The following KCNT2 variants were observed in gnomAD, a reference collection of about 807,000 sequenced individuals.
KCNT2 encodes the protein potassium channel subfamily T member 2.
KCNT2 carries 67 observed loss-of-function variants against 153.8 expected under a neutral mutation model. The observed-to-expected ratio is 0.44, with a 90% CI of 0.36 to 0.53. The LOEUF is 0.53. Ranked by LOEUF, KCNT2 falls within the 20% of genes least tolerant of loss-of-function variation. The pLI, the probability that KCNT2 is intolerant of heterozygous loss-of-function variation, is 0.00. For synonymous variants in KCNT2, 500 were observed against 458.8 expected (o/e 1.09, Z -1.15); for missense variants, 975 against 1,354.8 (o/e 0.72, Z 4.40).
chr1:196,442,956 T>C (rs931271373), intron 8 of KCNT2, among the ~76,000 whole-genome samples: 2 of 151,534 alleles, frequency 1.3e-5, no homozygotes, highest in South Asian at 2.1e-4. Flanking sequence ...AAGCCACACA[T>C]ACATATATAG....
intron 13 of KCNT2, among the ~76,000 whole-genome samples, chr1:196,392,556 A>G (rs866522210): frequency 1.3e-5 from 2 of 151,462 alleles, no homozygotes; most frequent in Middle Eastern, 3.2e-3. Flanking sequence ...ATTTGGTGAA[A>G]GTCAAGCCTG....
intron 5 of KCNT2, among the ~76,000 whole-genome samples, chr1:196,470,189 C>CCG (rs1677967020): frequency 6.6e-6 from 1 of 152,162 alleles, no homozygotes; most frequent in South Asian, 2.1e-4. Flanking sequence ...GTTACAGGTG[C>CCG]TGTGGTGCAT....
chr1:196,494,558 C>T (rs7512135), intron 1 of KCNT2, among the ~76,000 whole-genome samples: 2 of 151,978 alleles, frequency 1.3e-5, no homozygotes, highest in Non-Finnish European at 2.9e-5. Flanking sequence ...GCCACCATGC[C>T]GTGTTAGTCA....
intron 1 of KCNT2, among the ~76,000 whole-genome samples, chr1:196,513,096 C>T (rs1681767225): frequency 1.3e-5 from 2 of 152,124 alleles, no homozygotes; most frequent in Non-Finnish European, 1.5e-5. Context: ...TTATGGCATT[C>T]AGGATTCCAT....
In KCNT2 at chr1:196,319,076, C is replaced by A. The variant is rs573727163; in HGVS notation, c.2348+408G>T. ...AAAGTAAACTCTAAAGGAATTGCTC[C>A]AATTTATAAATCTAAGTTAAAATGA... On this transcript the variant is annotated intron_variant, in intron 20 of 27. Coordinates refer to ENST00000294725, the MANE Select transcript of KCNT2 (RefSeq NM_198503.5). Among the ~76,000 whole-genome samples, 100 of 151,840 alleles carry A rather than the reference C, an allele frequency of 6.6e-4. 1 individual carries two copies. The highest frequency in any genetic ancestry group is 2.0e-3 in the African/African-American group (85 of 41,498).
At chr1:196,532,605 A>G (rs1655091282) in intron 1 of KCNT2, among the ~76,000 whole-genome samples, 1 of 151,888 alleles carries the variant, frequency 6.6e-6, no homozygotes, top group African/African-American at 2.4e-5. Flanking sequence ...AAATGAAAAT[A>G]AAAGAGAATA....
chr1:196,411,081 CCTTCCTTCCTTCCT>C (rs1672273764), intron 12 of KCNT2, among the ~76,000 whole-genome samples: 1 of 51,378 alleles, frequency 1.9e-5, no homozygotes, highest in African/African-American at 5.3e-5. Flanking sequence ...TTCCTTCCTT[CCTTCCTTCCTTCCT>C]TCCTTCCTTC....
intron 5 of KCNT2, among the ~76,000 whole-genome samples, chr1:196,476,545 G>A (rs988781285): frequency 4.0e-5 from 6 of 151,836 alleles, no homozygotes; most frequent in African/African-American, 9.7e-5. Context: ...TACTTTCTAG[G>A]TAATTTAGGG....
chr1:196,426,018 G>A, intron 10 of KCNT2, 30 bp from the exon 11 acceptor site: 2 of 1,586,086 alleles, frequency 1.3e-6, no homozygotes, highest in Non-Finnish European at 1.7e-6. Flanking sequence ...CAATGGAATA[G>A]AAACAAAAAT....
chr1:196,518,386 G>T (rs1337779197), intron 1 of KCNT2, among the ~76,000 whole-genome samples: 9 of 151,182 alleles, frequency 6.0e-5, no homozygotes, highest in Admixed American at 5.9e-4. Flanking sequence ...AAAAACACAT[G>T]AGAGGATCAA....
intron 14 of KCNT2, among the ~76,000 whole-genome samples, chr1:196,347,977 G>A (rs1282493429): frequency 6.6e-6 from 1 of 151,968 alleles, no homozygotes; most frequent in East Asian, 1.9e-4. Context: ...ATGAGAAAAG[G>A]GATCATGTAT....
At chr1:196,326,268 T>C (rs1214602268) in intron 19 of KCNT2, among the ~76,000 whole-genome samples, 2 of 152,094 alleles carry the variant, frequency 1.3e-5, no homozygotes, top group African/African-American at 4.8e-5. Context: ...AGTGGTCCAG[T>C]CATAATAACC....
intron 1 of KCNT2, among the ~76,000 whole-genome samples, chr1:196,559,944 C>T (rs2148919347): frequency 6.6e-6 from 1 of 151,928 alleles, no homozygotes; most frequent in Middle Eastern, 3.4e-3. Context: ...CTTAGAAAGA[C>T]TGCTTCTTCA....
In KCNT2 at chr1:196,313,538, C is replaced by G. The variant is rs559009898; in HGVS notation, c.2483+2354G>C. ...CATCTGTAAAATGCAACTCCCAAGT[C>G]TGTGTGATTTTGGTCATTTATGAGC... On this transcript the variant is annotated intron_variant, in intron 21 of 27. Transcript: ENST00000294725. Among the ~76,000 whole-genome samples, 17 of 151,594 alleles carry G rather than the reference C, an allele frequency of 1.1e-4. No homozygotes were observed. In the South Asian group the frequency reaches 3.3e-3, roughly 30 times the overall value.
At chr1:196,382,869 T>C (rs939243542) in intron 13 of KCNT2, among the ~76,000 whole-genome samples, 2 of 152,116 alleles carry the variant, frequency 1.3e-5, no homozygotes, top group Admixed American at 1.3e-4. Context: ...AACATGAGTT[T>C]ATGGTAACAC....
At chr1:196,423,982 A>G (rs1405813575) in intron 11 of KCNT2, among the ~76,000 whole-genome samples, 2 of 151,936 alleles carry the variant, frequency 1.3e-5, no homozygotes, top group African/African-American at 4.8e-5. Context: ...ATTAGTTTAT[A>G]TTAAATCCCA....
chr1:196,431,152 A>G (rs764101458), intron 8 of KCNT2, among the ~76,000 whole-genome samples: 41 of 152,270 alleles, frequency 2.7e-4, no homozygotes, highest in Admixed American at 5.9e-4. Context: ...GCCCTTGATC[A>G]TGAACTCCCC....
intron 19 of KCNT2, among the ~76,000 whole-genome samples, chr1:196,321,948 AT>A (rs962551072): frequency 2.4e-4 from 36 of 152,074 alleles, no homozygotes; most frequent in African/African-American, 7.9e-4. Flanking sequence ...TAATAAAACA[AT>A]TTTTTAATCA....
At chr1:196,304,764 T>C (rs934774082) in intron 22 of KCNT2, among the ~76,000 whole-genome samples, 11 of 152,138 alleles carry the variant, frequency 7.2e-5, no homozygotes, top group Admixed American at 3.9e-4. Context: ...TTTTGAAATA[T>C]CATCATTAAA....
Sources: allele counts gnomAD v4.1 joint callset (sites outside exome capture counted in the v4.1 genomes callset), GRCh38; gene constraint gnomAD v4.1.1; transcripts MANE v1.5; gene names NCBI Gene and HGNC (gene_info 2026-07-23, HGNC 2026-07-21).